CERS3: variants seen among roughly 807,000 people sequenced by gnomAD.
CERS3 encodes ceramide synthase 3.
A neutral mutation model predicts 50.3 loss-of-function variants in CERS3; 33 were observed. The ratio of observed to expected loss-of-function variants is 0.66; its 90% CI spans 0.50 to 0.88. The LOEUF (loss-of-function observed/expected upper bound fraction) is 0.88, where lower values mean the gene tolerates loss of function less well. CERS3 is among the 40% of genes least tolerant of loss of function. CERS3 has a pLI of 0.00. For synonymous variants in CERS3, 176 were observed against 155.2 expected (o/e 1.13, Z -0.99); for missense variants, 470 against 460.3 (o/e 1.02, Z -0.19).
chr15:100,489,506 A>G (rs1256266447), intron 4 of CERS3, among the ~76,000 whole-genome samples: 2 of 152,254 alleles, frequency 1.3e-5, no homozygotes, highest in East Asian at 1.9e-4. Flanking sequence ...GCTCTTAGCA[A>G]TAGCAAGGAT....
intron 10 of CERS3, among the ~76,000 whole-genome samples, chr15:100,465,659 C>CTTTTT (rs574991706): frequency 1.4e-5 from 2 of 140,864 alleles, no homozygotes; most frequent in Non-Finnish European, 3.1e-5. Context: ...TTGTTTTGAA[C>CTTTTT]TTTTTTTTTT....
At chr15:100,526,153 T>C (rs1248253971) in intron 1 of CERS3, among the ~76,000 whole-genome samples, 1 of 152,250 alleles carries the variant, frequency 6.6e-6, no homozygotes, top group African/African-American at 2.4e-5. Context: ...GCTGGCCTAC[T>C]TGATGAACTT....
At chr15:100,530,370 T>C (rs532996329), upstream of CERS3, among the ~76,000 whole-genome samples, 17 of 152,354 alleles carry the variant, frequency 1.1e-4, no homozygotes, top group African/African-American at 4.1e-4. Flanking sequence ...AACCTGCTGC[T>C]CCAGGACTTC....
intron 10 of CERS3, among the ~76,000 whole-genome samples, chr15:100,457,252 G>A (rs2034403887): frequency 6.6e-6 from 1 of 152,022 alleles, no homozygotes; most frequent in African/African-American, 2.4e-5. Context: ...AATTTAATAT[G>A]TCTATAGGTT....
intron 7 of CERS3, among the ~76,000 whole-genome samples, chr15:100,479,160 C>T (rs1474645101): frequency 2.0e-5 from 3 of 150,826 alleles, no homozygotes; most frequent in Non-Finnish European, 3.0e-5. Context: ...GAAGGGAGTA[C>T]AAAAGAAAAT....
At chr15:100,440,463 A>G (rs1432160705) in intron 11 of CERS3, among the ~76,000 whole-genome samples, 2 of 151,518 alleles carry the variant, frequency 1.3e-5, no homozygotes, top group African/African-American at 4.9e-5. Context: ...TCCTTTACCT[A>G]CCCAAATCCT....
chr15:100,414,144 C>G (rs2031710782), intron 11 of CERS3, among the ~76,000 whole-genome samples: 1 of 152,124 alleles, frequency 6.6e-6, no homozygotes, highest in Non-Finnish European at 1.5e-5. Flanking sequence ...ACCAGAGAAT[C>G]AGAGAGCCAA....
At chr15:100,417,687 C>G (rs1202923794) in intron 11 of CERS3, among the ~76,000 whole-genome samples, 1 of 151,984 alleles carries the variant, frequency 6.6e-6, no homozygotes, top group South Asian at 2.1e-4. Flanking sequence ...CCCTGTCTGA[C>G]AGCTTTGAAG....
chr15:100,428,185 G>A (rs73488543), intron 11 of CERS3, among the ~76,000 whole-genome samples: 1,535 of 152,208 alleles, frequency 0.01, 28 homozygotes, highest in African/African-American at 0.035. Context: ...AAAGGAAATG[G>A]CTGGCAACTG....
At chr15:100,479,358 G>T in intron 7 of CERS3, 70 bp downstream of exon 7, 1 of 1,189,678 alleles carries the variant, frequency 8.4e-7, no homozygotes, top group Non-Finnish European at 1.2e-6. Context: ...GGACCAAGAC[G>T]TAACTAAGGA....
At position 100,417,584 on chromosome 15, in the gene CERS3, T is replaced by C. The variant is rs558018575; in HGVS notation, c.1000-14719A>G. 1.1e-3 allele frequency among the ~76,000 whole-genome samples: 164 copies of C among 151,910 alleles called. 4 individuals carry two copies. The South Asian group carries it at 0.023, about 21-fold the overall frequency. On this transcript the variant is annotated intron_variant, in intron 11 of 11. Transcript: ENST00000679737. The stretch of plus-strand genomic sequence containing the variant: ...CGAACTGGGTGGAGCCCACCACAGC[T>C]CAAGGAGGCCTGCCTGCCTCTGTAG...
intron 8 of CERS3, among the ~76,000 whole-genome samples, chr15:100,474,587 A>C (rs1472719961): frequency 6.6e-6 from 1 of 151,942 alleles, no homozygotes; most frequent in Non-Finnish European, 1.5e-5. Context: ...GTATTTTTAG[A>C]AGAGACAGGA....
Position 100,425,093 on chromosome 15 carries a change from C to T in CERS3, c.1000-22228G>A, listed in dbSNP as rs545378059. ...CTCCGCCTAGATTTCAGAGGATGTA[C>T]GGAAATGCCTAGACATCCAGGCAGA... On this transcript the variant is annotated intron_variant, in intron 11 of 11. Coordinates refer to ENST00000679737, the MANE Select transcript of CERS3 (RefSeq NM_001378789.1). Among the ~76,000 whole-genome samples, 11 of 152,256 alleles carry T rather than the reference C, an allele frequency of 7.2e-5. No individual in the cohort carries two copies. The South Asian group carries it at 2.1e-3, about 29-fold the overall frequency.
At chr15:100,484,340 C>A (rs915422721) in intron 5 of CERS3, among the ~76,000 whole-genome samples, 1 of 152,046 alleles carries the variant, frequency 6.6e-6, no homozygotes, top group African/African-American at 2.4e-5. Context: ...TCGGGAGGCC[C>A]GATAAATAGA....
rs147643667 is a variant in CERS3, at chr15:100,489,993, C to G, written c.288+824G>C. Among the ~76,000 whole-genome samples the G allele has an allele frequency of 1.3e-3, 192 of 152,236 alleles. 1 individual carries two copies. Among genetic ancestry groups the G allele is most frequent in the African/African-American group, 4.2e-3 (173 of 41,544 alleles). On this transcript the variant is annotated intron_variant, in intron 4 of 11. Coordinates refer to ENST00000679737, the MANE Select transcript of CERS3 (RefSeq NM_001378789.1). Reference sequence around the variant, plus strand: ...TTAATTCAGGAAATAAAGTTCAGGACCCTCAGAAATCTATTTATCCTAGAA... The same window carrying G: ...TTAATTCAGGAAATAAAGTTCAGGAGCCTCAGAAATCTATTTATCCTAGAA...
At chr15:100,418,863 A>T (rs1392799071) in intron 11 of CERS3, among the ~76,000 whole-genome samples, 4 of 151,020 alleles carry the variant, frequency 2.6e-5, no homozygotes, top group Non-Finnish European at 2.9e-5. Flanking sequence ...ATAAAATACT[A>T]TACAGACAAG....
At chr15:100,440,715 G>T (rs1310978141) in intron 11 of CERS3, among the ~76,000 whole-genome samples, 2 of 152,202 alleles carry the variant, frequency 1.3e-5, no homozygotes, top group Non-Finnish European at 2.9e-5. Context: ...CAGGTCCTCA[G>T]ACCGACCAGC....
chr15:100,486,555 T>A (rs931417431), intron 4 of CERS3, among the ~76,000 whole-genome samples: 6 of 152,204 alleles, frequency 3.9e-5, no homozygotes, highest in African/African-American at 1.4e-4. Flanking sequence ...CTACAAATCA[T>A]TTAAGAAAAA....
intron 4 of CERS3, among the ~76,000 whole-genome samples, 179 bp from the exon 5 acceptor site, chr15:100,484,847 T>C (rs1439815075): frequency 1.3e-5 from 2 of 152,066 alleles, no homozygotes; most frequent in African/African-American, 2.4e-5. Context: ...TATGCACACA[T>C]ACCAAAAAAC....
Sources: gnomAD v4.1 joint callset for allele counts (sites outside exome capture counted in the v4.1 genomes callset) on GRCh38, gnomAD v4.1.1 for gene constraint, MANE v1.5 for transcripts, NCBI Gene and HGNC (gene_info 2026-07-23, HGNC 2026-07-21) for gene names.